The following PHYH variants were observed in gnomAD, a reference collection of about 807,000 sequenced individuals.
PHYH encodes the protein phytanoyl-CoA 2-hydroxylase.
A neutral mutation model predicts 38.5 loss-of-function variants in PHYH; 32 were observed. That is an observed-to-expected ratio of 0.83 (90% confidence interval 0.63 to 1.12). The LOEUF is 1.12. PHYH is among the 50% of genes most tolerant of loss of function. The pLI is 0.00. For missense variants in PHYH, 426 were observed against 434.8 expected, an observed-to-expected ratio of 0.98 and a Z score of 0.18; for synonymous variants, 166 against 157.9, an observed-to-expected ratio of 1.05 and a Z score of -0.38.
At chr10:13,287,777 C>T (rs1234147249) in intron 6 of PHYH, among the ~76,000 whole-genome samples, 2 of 152,166 alleles carry the variant, frequency 1.3e-5, no homozygotes, top group African/African-American at 2.4e-5. Context: ...TTGGTGTCTA[C>T]CACACACATC....
intron 7 of PHYH, among the ~76,000 whole-genome samples, chr10:13,283,319 T>C (rs551120259): frequency 4.6e-5 from 7 of 151,644 alleles, no homozygotes; most frequent in South Asian, 2.1e-4. Flanking sequence ...TTAGTAGAGA[T>C]GGGGTTTCAC....
In PHYH at chr10:13,295,759, A is replaced by G. The variant is rs1835832176; in HGVS notation, c.135-153T>C. Among the ~76,000 whole-genome samples, 3 of 151,914 alleles carry G rather than the reference A, an allele frequency of 2.0e-5. No individual in the cohort carries two copies. In the South Asian group the frequency reaches 6.2e-4, roughly 32 times the overall value. ...GAGACTAGCCCAGGCAACATGATGA[A>G]ACCCTGTCTCTACAAAAAATACTGG... On this transcript the variant is annotated intron_variant, in intron 2 of 8. Transcript: ENST00000263038.
chr10:13,294,663 G>T, intron 3 of PHYH, 67 bp from the exon 4 acceptor site: 1 of 1,413,168 alleles, frequency 7.1e-7, no homozygotes, highest in Non-Finnish European at 1.0e-6. Context: ...GCCCTCCTCT[G>T]TGGAAAGGGT....
At chr10:13,299,553 G>C (rs998459503) in intron 1 of PHYH, 2 of 1,014,474 alleles carry the variant, frequency 2.0e-6, no homozygotes, top group African/African-American at 3.5e-5. Context: ...CCTCCGGAGA[G>C]GTCCCGGTCA....
chr10:13,278,176 G>C lies in PHYH; in HGVS notation c.*125C>G. On this transcript the variant is annotated 3_prime_UTR_variant, in exon 9 of 9. Coordinates refer to ENST00000263038, the MANE Select transcript of PHYH (RefSeq NM_006214.4). ...ACTAACTCTATGCAATTAAGTACCT[G>C]ATACATGTTTTCTGCTTTTAACAAG... is the stretch of plus-strand genomic sequence containing the variant. 1 of 727,052 alleles carries C rather than the reference G, an allele frequency of 1.4e-6. No homozygotes were observed. Among genetic ancestry groups the C allele is most frequent in the Non-Finnish European group, 2.5e-6 (1 of 396,996 alleles). 45.0% of individuals were successfully genotyped at this position (727,052 alleles called of 1,614,324 possible). A position where few individuals can be genotyped will look rare whatever the true frequency, so the allele number is the denominator to read the frequency against.
rs1408079194 is a variant in PHYH at position 13,287,288 on chromosome 10, G to A, written c.678+1072C>T. ...CAGGAGGCAGAGGTTGCAGTGAGCC[G>A]AGAACGTGCCATTACACTCTAGCCT... is the stretch of plus-strand genomic sequence containing the variant. On this transcript the variant is annotated intron_variant, in intron 6 of 8. Transcript: ENST00000263038. Among the ~76,000 whole-genome samples, 5 of 151,982 alleles carry A rather than the reference G, an allele frequency of 3.3e-5. No individual in the cohort carries two copies. In the East Asian group the frequency reaches 9.6e-4, roughly 29 times the overall value.
intron 2 of PHYH, among the ~76,000 whole-genome samples, chr10:13,297,141 T>G (rs1832580366): frequency 2.0e-5 from 3 of 152,152 alleles, no homozygotes. Flanking sequence ...AGGGATGATT[T>G]TTTAAAATTC....
chr10:13,286,593 C>T (rs1251704128), intron 6 of PHYH, among the ~76,000 whole-genome samples: 2 of 150,600 alleles, frequency 1.3e-5, no homozygotes, highest in African/African-American at 2.4e-5. Context: ...CCCAGCTACT[C>T]GGGAGGCTGA....
At chr10:13,287,990 G>A (rs1564423767) in intron 6 of PHYH, among the ~76,000 whole-genome samples, 2 of 152,128 alleles carry the variant, frequency 1.3e-5, no homozygotes, top group African/African-American at 4.8e-5. Flanking sequence ...GACCAGCCTG[G>A]CCAACATGGC....
chr10:13,294,063 G>A (rs921513706), intron 4 of PHYH, among the ~76,000 whole-genome samples: 46 of 152,020 alleles, frequency 3.0e-4, no homozygotes, highest in Admixed American at 8.5e-4. Flanking sequence ...TTAGCCAGGT[G>A]TGGTGGCAGG....
rs80049527 is a variant in PHYH, at chr10:13,293,591, C to T, written c.414+837G>A. On this transcript the variant is annotated intron_variant, in intron 4 of 8. Transcript: ENST00000263038. ...CTGGGATTACAGGCATGAGCCACCG[C>T]GCCCGGCAGTTAGCTCACTTCTCTT... Among the ~76,000 whole-genome samples, 14 of 152,154 alleles carry T rather than the reference C, an allele frequency of 9.2e-5. No individual in the cohort carries two copies. The East Asian group carries it at 1.7e-3, about 19-fold the overall frequency.
intron 4 of PHYH, among the ~76,000 whole-genome samples, chr10:13,294,151 G>A (rs548781248): frequency 2.6e-5 from 4 of 152,248 alleles, no homozygotes; most frequent in African/African-American, 4.8e-5. Flanking sequence ...GCAGTGAGCC[G>A]AGATCGCACC....
In PHYH at chr10:13,291,469, ATTTTG is replaced by A. The variant is rs563628836; in HGVS notation, c.496+357_496+361del. The A allele has an allele frequency of 5.5e-4, 133 of 241,900 alleles. 2 individuals carry two copies. Among genetic ancestry groups the A allele is most frequent in the African/African-American group, 2.6e-3 (115 of 44,038 alleles). The allele number at this position is 241,900 out of a possible 1,614,324, so 15.0% of individuals were successfully genotyped here. A position where few individuals can be genotyped will look rare whatever the true frequency, so the allele number is the denominator to read the frequency against. On this transcript the variant is annotated intron_variant, in intron 5 of 8. Coordinates refer to ENST00000263038, the MANE Select transcript of PHYH (RefSeq NM_006214.4). ...ACAGTTAGACATCAGCTATTTTATT[ATTTTG>A]TTTTGTTTTGTTTTATTTATTATGT...
intron 7 of PHYH, among the ~76,000 whole-genome samples, chr10:13,281,799 A>G (rs1476200417): frequency 6.6e-6 from 1 of 152,222 alleles, no homozygotes. Context: ...CTTTGCCCCA[A>G]ACAACAAATT....
chr10:13,298,782 A>G (rs1296882854), intron 1 of PHYH, among the ~76,000 whole-genome samples: 2 of 127,116 alleles, frequency 1.6e-5, no homozygotes, highest in Non-Finnish European at 3.5e-5. Context: ...TACTACTACT[A>G]ATAATAATAA....
At position 13,294,454 on chromosome 10, in the gene PHYH, G is replaced by T. The variant is rs751515293; in HGVS notation, c.388C>A (p.Leu130Ile). 11 of 1,613,986 alleles carry T rather than the reference G, an allele frequency of 6.8e-6. No homozygotes were observed. Among genetic ancestry groups the T allele is most frequent in the Non-Finnish European group, 6.8e-6 (8 of 1,180,004 alleles). The change falls in exon 4 of 9, where the codon CTC (leucine) becomes ATC (isoleucine). Residue 130 changes from leucine to isoleucine, a missense_variant. Leu to Ile is a conservative substitution (Grantham distance 5, BLOSUM62 2). Transcript: ENST00000263038. ...KVQDFQEDKELFRYCTLPEIL... is the reference protein window; with the variant it reads ...KVQDFQEDKEIFRYCTLPEIL... ...TCGGGGAGAGTGCAGTATCTGAAGA[G>T]CTCCTTATCTTCCTGGAAATCCTGG... is the stretch of plus-strand genomic sequence containing the variant.
At chr10:13,283,131 A>ACTTTTTTT (rs1835454455) in intron 7 of PHYH, among the ~76,000 whole-genome samples, 1 of 117,926 alleles carries the variant, frequency 8.5e-6, no homozygotes, top group East Asian at 2.4e-4. Context: ...TTCATAATCA[A>ACTTTTTTT]TTTTTTTTTT....
intron 6 of PHYH, 66 bp downstream of exon 6, chr10:13,288,294 G>T: frequency 7.4e-7 from 1 of 1,345,290 alleles, no homozygotes; most frequent in Non-Finnish European, 1.1e-6. Flanking sequence ...CTCTTTAGAG[G>T]TACTGATGTG....
chr10:13,280,699 TTTCCTTTACTGTCCTGTG>T (rs1835390157), intron 8 of PHYH, among the ~76,000 whole-genome samples: 1 of 152,114 alleles, frequency 6.6e-6, no homozygotes, highest in Admixed American at 6.6e-5. Flanking sequence ...GTAGTTTTGT[TTTCCTTTACTGTCCTGTG>T]TGAAACAGGA....
Sources: gnomAD v4.1 joint callset for allele counts (sites outside exome capture counted in the v4.1 genomes callset) on GRCh38, gnomAD v4.1.1 for gene constraint, MANE v1.5 for transcripts, NCBI Gene and HGNC (gene_info 2026-07-23, HGNC 2026-07-21) for gene names.